The following GPR107 variants were observed in gnomAD, a reference collection of about 807,000 sequenced individuals.
GPR107 encodes the protein protein GPR107.
In GPR107, 31 loss-of-function variants were observed where a neutral mutation model predicts 75.5. The ratio of observed to expected loss-of-function variants is 0.41; its 90% CI spans 0.31 to 0.55. The LOEUF (loss-of-function observed/expected upper bound fraction) is 0.55, where lower values mean the gene tolerates loss of function less well. Ranked by LOEUF, GPR107 falls within the 20% of genes least tolerant of loss-of-function variation. The pLI, the probability that GPR107 is intolerant of heterozygous loss-of-function variation, is 0.26. For missense variants in GPR107, 572 were observed against 665.7 expected, an observed-to-expected ratio of 0.86 and a Z score of 1.55; for synonymous variants, 267 against 251.3, an observed-to-expected ratio of 1.06 and a Z score of -0.59.
At chr9:130,083,496 A>T (rs182279500) in intron 5 of GPR107, 69 bp from the exon 6 acceptor site, 271 of 856,062 alleles carry the variant, frequency 3.2e-4, no homozygotes, top group Non-Finnish European at 4.1e-4. Flanking sequence ...ATAAAATGAT[A>T]CTGTAATATA....
chr9:130,092,430 T>C, intron 9 of GPR107, 49 bp downstream of exon 9: 1 of 1,519,024 alleles, frequency 6.6e-7, no homozygotes, highest in Non-Finnish European at 9.1e-7. Flanking sequence ...ATTTGAATAA[T>C]GTCACTGTTT....
At chr9:130,132,065 TGTAGAGA>T (rs1408517338) in intron 17 of GPR107, among the ~76,000 whole-genome samples, 6 of 152,226 alleles carry the variant, frequency 3.9e-5, no homozygotes, top group African/African-American at 1.4e-4. Flanking sequence ...TGTATTTTTT[TGTAGAGA>T]TAGGGTTTTG....
chr9:130,058,672 C>T (rs1218515503), intron 1 of GPR107, among the ~76,000 whole-genome samples: 1 of 152,042 alleles, frequency 6.6e-6, no homozygotes, highest in East Asian at 1.9e-4. Flanking sequence ...GCCATGGCGG[C>T]AAGGCTTGTC....
rs947922343 is a variant in GPR107, at chr9:130,101,283, C to G, written c.1131+60C>G. ...TCTTGGCGCTTAGCAGGGCTCAGCT[C>G]CAAGCCTGTATGGGAAGAGGGAGTC... On this transcript the variant is annotated intron_variant, in intron 12 of 17. Transcript: ENST00000347136. 3.3e-6 allele frequency: 3 copies of G among 915,356 alleles called. No individual in the cohort carries two copies. The Admixed American group carries it at 5.2e-5, about 16-fold the overall frequency. The allele number at this position is 915,356 out of a possible 1,614,324, so 56.7% of individuals were successfully genotyped here. A position where few individuals can be genotyped will look rare whatever the true frequency, so the allele number is the denominator to read the frequency against.
intron 1 of GPR107, among the ~76,000 whole-genome samples, chr9:130,058,244 G>C (rs929686858): frequency 1.3e-5 from 2 of 152,086 alleles, no homozygotes; most frequent in African/African-American, 4.8e-5. Context: ...CATTTTAACT[G>C]TATAATGCAA....
intron 1 of GPR107, among the ~76,000 whole-genome samples, chr9:130,057,110 A>C (rs1331252907): frequency 6.6e-6 from 1 of 151,904 alleles, no homozygotes; most frequent in Non-Finnish European, 1.5e-5. Context: ...CTTGAGACTG[A>C]GTGAAATAGG....
intron 1 of GPR107, among the ~76,000 whole-genome samples, chr9:130,058,204 G>A (rs1288557848): frequency 6.6e-6 from 1 of 152,076 alleles, no homozygotes; most frequent in African/African-American, 2.4e-5. Flanking sequence ...CAACTTTATT[G>A]AGGTATAATT....
At chr9:130,075,065 T>C (rs926650692) in intron 1 of GPR107, among the ~76,000 whole-genome samples, 2 of 151,954 alleles carry the variant, frequency 1.3e-5, no homozygotes, top group African/African-American at 4.8e-5. Flanking sequence ...TGAATTTGAA[T>C]CCATTGAATA....
intron 16 of GPR107, among the ~76,000 whole-genome samples, chr9:130,128,148 A>G (rs1405912219): frequency 6.6e-6 from 1 of 152,326 alleles, no homozygotes; most frequent in East Asian, 1.9e-4. Context: ...GTAGAGAAAG[A>G]TTTGCCCTGA....
At chr9:130,119,025 C>T (rs931578632) in intron 14 of GPR107, among the ~76,000 whole-genome samples, 1 of 152,226 alleles carries the variant, frequency 6.6e-6, no homozygotes, top group Admixed American at 6.5e-5. Flanking sequence ...CCTTGGTGAG[C>T]CTTCGCTCCC....
At chr9:130,114,717 T>C (rs1831382228) in intron 14 of GPR107, 2 of 1,021,154 alleles carry the variant, frequency 2.0e-6, no homozygotes, top group Non-Finnish European at 2.4e-6. Flanking sequence ...TTTGTAGATA[T>C]AATCATACTA....
chr9:130,060,407 T>G (rs1047734738), intron 1 of GPR107, among the ~76,000 whole-genome samples: 1 of 137,856 alleles, frequency 7.3e-6, no homozygotes, highest in African/African-American at 2.6e-5. Context: ...TCCGAGTTTT[T>G]TTTTTTTTTT....
intron 1 of GPR107, among the ~76,000 whole-genome samples, chr9:130,074,813 G>A (rs961230763): frequency 2.0e-5 from 3 of 151,668 alleles, no homozygotes; most frequent in Admixed American, 2.0e-4. Context: ...GCCAATGGGA[G>A]GAGCCAGGTA....
At chr9:130,062,632 TCCTGCCTGCCTG>T (rs536746664) in intron 1 of GPR107, among the ~76,000 whole-genome samples, 5,423 of 136,866 alleles carry the variant, frequency 0.04, 144 homozygotes, top group Non-Finnish European at 0.052. Flanking sequence ...CTTCCTGCCT[TCCTGCCTGCCTG>T]CCTGCCTGCC....
At chr9:130,061,048 A>G (rs1331458896) in intron 1 of GPR107, among the ~76,000 whole-genome samples, 2 of 152,240 alleles carry the variant, frequency 1.3e-5, no homozygotes, top group Non-Finnish European at 2.9e-5. Context: ...GACTTAAATG[A>G]GTGACATTAA....
chr9:130,067,199 A>G (rs1026884142), intron 1 of GPR107, among the ~76,000 whole-genome samples: 3 of 152,274 alleles, frequency 2.0e-5, no homozygotes, highest in Admixed American at 6.5e-5. Flanking sequence ...GGTTGAGACT[A>G]CTGAGCTAAT....
At chr9:130,083,431 G>A (rs1830539989) in intron 5 of GPR107, 134 bp from the exon 6 acceptor site, 2 of 456,494 alleles carry the variant, frequency 4.4e-6, no homozygotes, top group Non-Finnish European at 7.7e-6. Context: ...TGAGGAAATG[G>A]CAGTCCCCAA....
chr9:130,091,718 C>T lies in GPR107; in HGVS notation c.730-530C>T, dbSNP rs573285805. Among the ~76,000 whole-genome samples, 58 of 144,318 alleles carry T rather than the reference C, an allele frequency of 4.0e-4. No homozygotes were observed. The South Asian group carries it at 0.011, about 26-fold the overall frequency. 94.7% of individuals were successfully genotyped at this position (144,318 alleles called of 152,430 possible). ...TAATTTTTTTTTTTTTTTTTCCAGA[C>T]GGAGTCTTGCTCTGTCACTCAGGTT... On this transcript the variant is annotated intron_variant, in intron 8 of 17. Transcript: ENST00000347136.
At chr9:130,064,967 A>G (rs1411647344) in intron 1 of GPR107, among the ~76,000 whole-genome samples, 4 of 152,166 alleles carry the variant, frequency 2.6e-5, no homozygotes, top group Non-Finnish European at 5.9e-5. Context: ...TTGGACTTGT[A>G]GCCTCCAGAA....
Sources: allele counts gnomAD v4.1 joint callset (sites outside exome capture counted in the v4.1 genomes callset), GRCh38; gene constraint gnomAD v4.1.1; transcripts MANE v1.5; gene names NCBI Gene and HGNC (gene_info 2026-07-23, HGNC 2026-07-21).